HIVEP3: variants seen among roughly 807,000 people sequenced by gnomAD.
HIVEP3 encodes transcription factor HIVEP3.
Under a neutral mutation model 152.8 loss-of-function variants are expected in HIVEP3, and 49 were observed. That is an observed-to-expected ratio of 0.32 (90% CI 0.26 to 0.41). The LOEUF (loss-of-function observed/expected upper bound fraction) is 0.41, where lower values mean the gene tolerates loss of function less well. Among genes scored for constraint, HIVEP3 ranks in the 10% least tolerant of loss-of-function variants. HIVEP3 has a pLI of 1.00. For synonymous variants in HIVEP3, 1,269 were observed against 1,289.0 expected, an observed-to-expected ratio of 0.98 and a Z score of 0.33; for missense variants, 2,790 against 3,103.3, an observed-to-expected ratio of 0.90 and a Z score of 2.40.
chr1:41,705,269 C>G lies in HIVEP3; in HGVS notation c.-800-4274G>C, dbSNP rs147885342. ...TGTTTCTTTCTCTACGCTCTCATCT[C>G]CCCACCCTGGCCTGGCCTGCAATGA... is the stretch of plus-strand genomic sequence containing the variant. On this transcript the variant is annotated intron_variant, in intron 1 of 8. Transcript: ENST00000372583. Among the ~76,000 whole-genome samples the G allele has an allele frequency of 4.1e-3, 623 of 152,336 alleles. 3 individuals are homozygous for G. The highest frequency in any genetic ancestry group is 5.9e-3 in the Non-Finnish European group (403 of 68,032).
chr1:41,865,887 A>C (rs1643960927), intron 1 of HIVEP3, among the ~76,000 whole-genome samples: 1 of 152,192 alleles, frequency 6.6e-6, no homozygotes, highest in Non-Finnish European at 1.5e-5. Flanking sequence ...AGGAAAAAAA[A>C]CCACATAACA....
intron 1 of HIVEP3, among the ~76,000 whole-genome samples, chr1:41,930,361 T>A (rs1432989433): frequency 6.6e-6 from 1 of 152,200 alleles, no homozygotes; most frequent in Non-Finnish European, 1.5e-5. Flanking sequence ...TAAAGTATCC[T>A]ATGGAATAGT....
chr1:41,765,219 C>T (rs1170299554), intron 1 of HIVEP3, among the ~76,000 whole-genome samples: 1 of 152,154 alleles, frequency 6.6e-6, no homozygotes, highest in African/African-American at 2.4e-5. Context: ...CCCTCCTGGC[C>T]CCATCAGCCT....
chr1:41,986,686 C>T (rs908195342), intron 1 of HIVEP3, among the ~76,000 whole-genome samples: 3 of 152,234 alleles, frequency 2.0e-5, no homozygotes, highest in East Asian at 3.9e-4. Context: ...GTGATCCACC[C>T]ACCTTGGCCT....
intron 1 of HIVEP3, among the ~76,000 whole-genome samples, chr1:41,717,993 G>C (rs1444072514): frequency 3.9e-5 from 6 of 152,182 alleles, no homozygotes; most frequent in African/African-American, 1.4e-4. Context: ...CAGAGATTAT[G>C]GGGATCATGG....
chr1:41,526,374 ACGCTCG>A, intron 5 of HIVEP3, among the ~76,000 whole-genome samples: 1 of 132,364 alleles, frequency 7.6e-6, no homozygotes, highest in Non-Finnish European at 1.6e-5. Context: ...TCACCCTCAC[ACGCTCG>A]CCCTCACACT....
intron 1 of HIVEP3, among the ~76,000 whole-genome samples, chr1:41,971,497 C>T (rs550587852): frequency 1.3e-5 from 2 of 152,258 alleles, no homozygotes; most frequent in East Asian, 1.9e-4. Flanking sequence ...TGTCAAGGTA[C>T]ACACAGAAGA....
intron 1 of HIVEP3, among the ~76,000 whole-genome samples, chr1:41,957,004 G>A (rs1457887725): frequency 6.6e-6 from 1 of 152,124 alleles, no homozygotes; most frequent in Non-Finnish European, 1.5e-5. Context: ...TGTTTATTTT[G>A]TAAATATATG....
At chr1:41,884,405 G>T (rs1644311299) in intron 1 of HIVEP3, among the ~76,000 whole-genome samples, 1 of 152,222 alleles carries the variant, frequency 6.6e-6, no homozygotes, top group Non-Finnish European at 1.5e-5. Flanking sequence ...CCACCTGGGA[G>T]GATGGGCAGG....
At chr1:42,013,328 A>G (rs1366813682) in intron 1 of HIVEP3, among the ~76,000 whole-genome samples, 4 of 152,232 alleles carry the variant, frequency 2.6e-5, no homozygotes, top group African/African-American at 9.6e-5. Flanking sequence ...ATTCTGAGAT[A>G]CTAGAAGTTA....
At position 41,580,548 on chromosome 1, in the gene HIVEP3, C is replaced by A. The variant is rs1393084596; in HGVS notation, c.4250G>T (p.Ser1417Ile). 1 of 1,614,216 alleles carries A rather than the reference C, an allele frequency of 6.2e-7. No individual in the cohort carries two copies. Among genetic ancestry groups the A allele is most frequent in the Admixed American group, 1.7e-5 (1 of 60,028 alleles). The change falls in exon 4 of 9, where the codon AGC (serine) becomes ATC (isoleucine). Residue 1417 changes from serine (S) to isoleucine (I), a missense_variant. Transcript: ENST00000372583. ...GTSLSSESIL[S>I]LEGSSSTAGG... ...TGCTGTTGATGAACTCCCCTCCAGG[C>A]TCAAGATACTCTCTGATGACAGGGA... is the stretch of plus-strand genomic sequence containing the variant.
intron 1 of HIVEP3, among the ~76,000 whole-genome samples, chr1:41,716,519 T>C (rs1558205731): frequency 6.6e-6 from 1 of 151,898 alleles, no homozygotes; most frequent in African/African-American, 2.4e-5. Flanking sequence ...CCAGAAGAGC[T>C]GGGGGGCCCC....
intron 1 of HIVEP3, among the ~76,000 whole-genome samples, chr1:41,784,773 T>C (rs190293418): frequency 2.0e-4 from 30 of 152,278 alleles, no homozygotes; most frequent in Admixed American, 5.2e-4. Flanking sequence ...TACAACCACA[T>C]CTCCGTTTAC....
chr1:41,556,249 G>A (rs976694408), intron 5 of HIVEP3, among the ~76,000 whole-genome samples: 1 of 152,214 alleles, frequency 6.6e-6, no homozygotes, highest in African/African-American at 2.4e-5. Context: ...CCCACCAGCA[G>A]CGTACAAAGG....
chr1:41,979,587 T>C (rs1453963325), intron 1 of HIVEP3, among the ~76,000 whole-genome samples: 1 of 152,200 alleles, frequency 6.6e-6, no homozygotes, highest in Non-Finnish European at 1.5e-5. Flanking sequence ...TTTTGACATA[T>C]CATTGCACCA....
At chr1:41,850,585 T>A (rs1246443206) in intron 1 of HIVEP3, among the ~76,000 whole-genome samples, 1 of 152,168 alleles carries the variant, frequency 6.6e-6, no homozygotes, top group Non-Finnish European at 1.5e-5. Flanking sequence ...GTCACAAGGC[T>A]CAAGAGTCTG....
chr1:41,673,543 T>C (rs1326887060), intron 2 of HIVEP3, among the ~76,000 whole-genome samples: 2 of 152,144 alleles, frequency 1.3e-5, no homozygotes, highest in Non-Finnish European at 2.9e-5. Flanking sequence ...GATTTCCTGG[T>C]TACACACCCA....
At chr1:41,962,303 G>A (rs1374240550) in intron 1 of HIVEP3, among the ~76,000 whole-genome samples, 1 of 152,212 alleles carries the variant, frequency 6.6e-6, no homozygotes, top group African/African-American at 2.4e-5. Context: ...GCTTACTCAG[G>A]TCAGCCTTGG....
In HIVEP3 at chr1:41,541,402, T is replaced by C. The variant is rs147325696; in HGVS notation, c.5208-16492A>G. Among the ~76,000 whole-genome samples, 774 of 152,294 alleles carry C rather than the reference T, an allele frequency of 5.1e-3. 3 individuals carry two copies. The highest frequency in any genetic ancestry group is 0.018 in the African/African-American group (742 of 41,548). On this transcript the variant is annotated intron_variant, in intron 5 of 8. Coordinates refer to ENST00000372583, the MANE Select transcript of HIVEP3 (RefSeq NM_024503.5). ...TCCTTTTGTGGAAGGAAGAATCCCT[T>C]TGTGAGCCCCATGGCTGCCCTCCAG...
Sources: allele counts gnomAD v4.1 joint callset (sites outside exome capture counted in the v4.1 genomes callset), GRCh38; gene constraint gnomAD v4.1.1; transcripts MANE v1.5; gene names NCBI Gene and HGNC (gene_info 2026-07-23, HGNC 2026-07-21).